Variants in ARL15 observed in about 807,000 individuals in gnomAD.
ARL15 encodes the protein ADP-ribosylation factor-like protein 15.
ARL15 carries 19 observed loss-of-function variants against 25.2 expected under a neutral mutation model. The observed-to-expected ratio is 0.75, with a 90% CI of 0.53 to 1.10. The LOEUF (loss-of-function observed/expected upper bound fraction) is 1.10, where lower values mean the gene tolerates loss of function less well. ARL15 is among the 50% of genes least tolerant of loss of function. The pLI, the probability that ARL15 is intolerant of heterozygous loss-of-function variation, is 0.00. For synonymous variants in ARL15, 94 were observed against 86.8 expected, an observed-to-expected ratio of 1.08 and a Z score of -0.46; for missense variants, 220 against 246.0, an observed-to-expected ratio of 0.89 and a Z score of 0.71.
At chr5:54,181,559 C>T (rs187241342) in intron 1 of ARL15, among the ~76,000 whole-genome samples, 13 of 152,290 alleles carry the variant, frequency 8.5e-5, no homozygotes, top group African/African-American at 3.1e-4. Context: ...TAAAAATACA[C>T]AAACACTTTT....
At chr5:54,132,041 C>G (rs371052893) in intron 3 of ARL15, among the ~76,000 whole-genome samples, 1 of 151,934 alleles carries the variant, frequency 6.6e-6, no homozygotes, top group South Asian at 2.1e-4. Flanking sequence ...CTAATAATAA[C>G]ATGGTTCCAT....
At chr5:54,134,716 C>T (rs994700667) in intron 3 of ARL15, among the ~76,000 whole-genome samples, 8 of 151,424 alleles carry the variant, frequency 5.3e-5, no homozygotes, top group African/African-American at 1.9e-4. Flanking sequence ...TCCAGAGTAG[C>T]TGGGACTACA....
chr5:54,144,354 G>T (rs1753850740), intron 3 of ARL15, among the ~76,000 whole-genome samples: 1 of 151,904 alleles, frequency 6.6e-6, no homozygotes, highest in Non-Finnish European at 1.5e-5. Context: ...CATTTCTGAA[G>T]TATTCTTTTT....
chr5:54,198,492 T>C (rs1755622076), intron 1 of ARL15, among the ~76,000 whole-genome samples: 1 of 148,296 alleles, frequency 6.7e-6, no homozygotes. Flanking sequence ...AGCATTCTTA[T>C]ACACCAATAA....
chr5:54,246,799 C>T (rs1025504164), intron 1 of ARL15, among the ~76,000 whole-genome samples: 21 of 4,316 alleles, frequency 4.9e-3, no homozygotes, highest in African/African-American at 8.3e-3. Flanking sequence ...AGCATGCATA[C>T]ACACACACAC....
intron 4 of ARL15, among the ~76,000 whole-genome samples, chr5:54,083,201 G>C (rs1452635765): frequency 1.3e-5 from 2 of 152,166 alleles, no homozygotes; most frequent in Non-Finnish European, 2.9e-5. Flanking sequence ...TGTATTTCAT[G>C]AGCAGTGCCT....
At chr5:54,202,412 G>A (rs1755750343) in intron 1 of ARL15, among the ~76,000 whole-genome samples, 1 of 152,122 alleles carries the variant, frequency 6.6e-6, no homozygotes, top group Admixed American at 6.6e-5. Context: ...TCAGAATCAG[G>A]GAGATGGCAT....
chr5:54,118,310 T>C (rs1045325482), intron 3 of ARL15, among the ~76,000 whole-genome samples: 1 of 152,174 alleles, frequency 6.6e-6, no homozygotes, highest in African/African-American at 2.4e-5. Context: ...AAACAACATA[T>C]TAACAACAGA....
intron 4 of ARL15, among the ~76,000 whole-genome samples, chr5:53,951,847 ATTT>A (rs59369848): frequency 2.3e-4 from 23 of 98,238 alleles, no homozygotes; most frequent in Non-Finnish European, 2.8e-4. Flanking sequence ...ACATAAAAGA[ATTT>A]TTTTTTTTTT....
chr5:54,300,633 G>T (rs536722907), intron 1 of ARL15, among the ~76,000 whole-genome samples: 3 of 152,340 alleles, frequency 2.0e-5, no homozygotes, highest in African/African-American at 7.2e-5. Flanking sequence ...TTATCCCTGA[G>T]ATCTATTCTG....
At chr5:54,146,921 G>T (rs1405051750) in intron 3 of ARL15, among the ~76,000 whole-genome samples, 1 of 152,122 alleles carries the variant, frequency 6.6e-6, no homozygotes, top group Non-Finnish European at 1.5e-5. Context: ...ATTAAGGTCA[G>T]GTCTACCTCA....
intron 1 of ARL15, among the ~76,000 whole-genome samples, chr5:54,193,801 A>G (rs1755473257): frequency 6.6e-6 from 1 of 151,526 alleles, no homozygotes; most frequent in Non-Finnish European, 1.5e-5. Context: ...TGCTCAATAA[A>G]TATTTGTTGA....
At chr5:54,302,898 T>C (rs371792659) in intron 1 of ARL15, among the ~76,000 whole-genome samples, 1 of 151,630 alleles carries the variant, frequency 6.6e-6, no homozygotes, top group Non-Finnish European at 1.5e-5. Context: ...ATTGGGACAT[T>C]TGGGGAGATG....
chr5:54,256,913 A>T (rs950602029), intron 1 of ARL15, among the ~76,000 whole-genome samples: 2 of 152,216 alleles, frequency 1.3e-5, no homozygotes, highest in African/African-American at 4.8e-5. Flanking sequence ...CCCTCAACAA[A>T]CTATGCATAG....
At chr5:54,185,263 A>C (rs1755205963) in intron 1 of ARL15, among the ~76,000 whole-genome samples, 1 of 152,122 alleles carries the variant, frequency 6.6e-6, no homozygotes, top group Admixed American at 6.6e-5. Flanking sequence ...CCCTCTGCCT[A>C]CACATCCTTC....
intron 4 of ARL15, among the ~76,000 whole-genome samples, chr5:54,029,366 CACCACCACCACT>C (rs1306250727): frequency 1.8e-4 from 26 of 141,704 alleles, no homozygotes; most frequent in Non-Finnish European, 2.5e-4. Flanking sequence ...CCACCACCAC[CACCACCACCACT>C]ACACCTAGAG....
At position 54,022,982 on chromosome 5, in the gene ARL15, G is replaced by A. The variant is rs572257621; in HGVS notation, c.462+90220C>T. On this transcript the variant is annotated intron_variant, in intron 4 of 4. Transcript: ENST00000504924. ...ATATAAAGAAGAATAAGTAGAAATC[G>A]TTGAACTGAAAAATGTAATAATGAA... Among the ~76,000 whole-genome samples the A allele has an allele frequency of 1.3e-4, 20 of 152,192 alleles. No homozygotes were observed. In the South Asian group the frequency reaches 2.9e-3, roughly 22 times the overall value.
intron 4 of ARL15, among the ~76,000 whole-genome samples, chr5:53,996,692 A>G (rs3776721): frequency 0.27 from 41,066 of 151,350 alleles, 5,794 homozygotes; most frequent in East Asian, 0.46. Context: ...GGTCTATATG[A>G]CAAATGTTTT....
intron 1 of ARL15, among the ~76,000 whole-genome samples, chr5:54,237,856 T>C (rs1436815117): frequency 6.6e-6 from 1 of 152,162 alleles, no homozygotes; most frequent in Non-Finnish European, 1.5e-5. Context: ...AACAGATGGA[T>C]GACTCACCAA....
Sources: gnomAD v4.1 joint callset for allele counts (sites outside exome capture counted in the v4.1 genomes callset) on GRCh38, gnomAD v4.1.1 for gene constraint, MANE v1.5 for transcripts, NCBI Gene and HGNC (gene_info 2026-07-23, HGNC 2026-07-21) for gene names.